The following TTF1 variants were observed in gnomAD, a reference collection of about 807,000 sequenced individuals.
TTF1 encodes the protein transcription termination factor 1.
In TTF1, 64 loss-of-function variants were observed where a neutral mutation model predicts 80.2. The ratio of observed to expected loss-of-function variants is 0.80; its 90% CI spans 0.65 to 0.98. TTF1 has a LOEUF of 0.98. Ranked by LOEUF, TTF1 falls within the 50% of genes least tolerant of loss-of-function variation. The probability of loss-of-function intolerance (pLI) is 0.00; values close to 1 mark genes in which losing one functional copy is unlikely to be tolerated. For missense variants in TTF1, 1,023 were observed against 1,086.2 expected (o/e 0.94, Z 0.82); for synonymous variants, 372 against 382.7 (o/e 0.97, Z 0.33).
intron 2 of TTF1, 94 bp from the exon 3 acceptor site, chr9:132,400,352 G>C: frequency 4.8e-6 from 5 of 1,032,022 alleles, no homozygotes; most frequent in Non-Finnish European, 5.8e-6. Flanking sequence ...TGAGACAGAG[G>C]CTTGCTCTGT....
chr9:132,378,470 G>C (rs991941349), intron 10 of TTF1, among the ~76,000 whole-genome samples: 3 of 148,334 alleles, frequency 2.0e-5, no homozygotes, highest in Admixed American at 6.7e-5. Flanking sequence ...TGGTGTGTGT[G>C]AGTGCATGTG....
intron 5 of TTF1, among the ~76,000 whole-genome samples, chr9:132,392,776 GTT>G (rs1849583631): frequency 6.6e-6 from 1 of 152,150 alleles, no homozygotes; most frequent in African/African-American, 2.4e-5. Context: ...ACTTTACCTA[GTT>G]TTAATCAAAG....
chr9:132,393,831 TA>T (rs1403550908), intron 5 of TTF1, among the ~76,000 whole-genome samples: 3 of 152,064 alleles, frequency 2.0e-5, no homozygotes, highest in Non-Finnish European at 4.4e-5. Context: ...TTTAAATAAA[TA>T]AAAAGCAATC....
In TTF1 at chr9:132,402,659, T is replaced by C. The variant is rs769947791; in HGVS notation, c.163A>G (p.Arg55Gly). Residue 55 changes from arginine (R) to glycine (G), a missense_variant, in exon 2 of 11, where the codon AGG becomes GGG. Physicochemically the swap from Arg to Gly is moderately radical, Grantham distance 125. Transcript: ENST00000334270. Reference sequence around the variant, plus strand: ...ATGAGATGCTGGAAATCTTTTTTCCTCTTTTTCCTCCTAGTTATTTGAGAC... The same window carrying C: ...ATGAGATGCTGGAAATCTTTTTTCCCCTTTTTCCTCCTAGTTATTTGAGAC... ...EQSQITRRKK[R>G]KKDFQHLISS... 3 of 1,613,244 alleles carry C rather than the reference T, an allele frequency of 1.9e-6. No homozygotes were observed. Among genetic ancestry groups the C allele is most frequent in the Admixed American group, 3.3e-5 (2 of 59,738 alleles).
At chr9:132,397,696 T>C (rs1256710583) in intron 4 of TTF1, among the ~76,000 whole-genome samples, 1 of 152,156 alleles carries the variant, frequency 6.6e-6, no homozygotes, top group African/African-American at 2.4e-5. Flanking sequence ...GCAATAAGAA[T>C]ACCATCAGGG....
chr9:132,396,131 C>T (rs763843962), intron 5 of TTF1, among the ~76,000 whole-genome samples: 5 of 152,040 alleles, frequency 3.3e-5, no homozygotes, highest in Admixed American at 6.5e-5. Flanking sequence ...GAGCTTATGA[C>T]GTAAGCAGAG....
intron 9 of TTF1, among the ~76,000 whole-genome samples, chr9:132,383,276 A>G (rs1036128077): frequency 1.3e-5 from 2 of 150,654 alleles, no homozygotes; most frequent in Admixed American, 1.3e-4. Context: ...AAGGACACTA[A>G]GGAAATGGAA....
In TTF1 at chr9:132,390,649, C is replaced by CA. The variant is rs761460725; in HGVS notation, c.2169_2170insT (p.Glu724Ter). The CA allele has an allele frequency of 1.9e-6, 3 of 1,614,240 alleles. No individual in the cohort carries two copies. Among genetic ancestry groups the CA allele is most frequent in the South Asian group, 1.1e-5 (1 of 91,080 alleles). On this transcript the variant is annotated frameshift_variant, in exon 7 of 11. Transcript: ENST00000334270. LOFTEE classifies it high-confidence loss of function. Reference sequence around the variant, plus strand: ...CTGGTTTGCACTTTAGCTTCTACTTCTACCCAAGATATGCCCTTGTAGAGT... The same window carrying CA: ...CTGGTTTGCACTTTAGCTTCTACTTCATACCCAAGATATGCCCTTGTAGAGT...
chr9:132,392,361 ACT>A (rs1849575250), intron 5 of TTF1, among the ~76,000 whole-genome samples, 155 bp from the exon 6 acceptor site: 1 of 152,170 alleles, frequency 6.6e-6, no homozygotes, highest in Non-Finnish European at 1.5e-5. Flanking sequence ...TTGGCGTCTC[ACT>A]GGTGGTCATC....
At chr9:132,378,398 TG>T (rs1849288610) in intron 10 of TTF1, among the ~76,000 whole-genome samples, 1 of 82,578 alleles carries the variant, frequency 1.2e-5, no homozygotes, top group African/African-American at 4.8e-5. Context: ...TGCATGCATG[TG>T]GTGTGAGTGC....
intron 2 of TTF1, among the ~76,000 whole-genome samples, 200 bp from the exon 3 acceptor site, chr9:132,400,458 G>T (rs2131648704): frequency 6.6e-6 from 1 of 152,298 alleles, no homozygotes; most frequent in Admixed American, 6.5e-5. Flanking sequence ...GAGTAGCTGG[G>T]ACTACAGGTA....
At chr9:132,397,131 G>A (rs1190597331) in intron 4 of TTF1, among the ~76,000 whole-genome samples, 3 of 152,130 alleles carry the variant, frequency 2.0e-5, no homozygotes, top group South Asian at 2.1e-4. Context: ...TTCAGCTTCC[G>A]GTCTATGCAA....
At chr9:132,398,950 C>G (rs532662267) in intron 3 of TTF1, among the ~76,000 whole-genome samples, 1 of 152,148 alleles carries the variant, frequency 6.6e-6, no homozygotes, top group Admixed American at 6.5e-5. Flanking sequence ...GTTATCCCAG[C>G]ACTTTGGGAG....
chr9:132,386,988 C>T (rs1040307439), intron 8 of TTF1, among the ~76,000 whole-genome samples: 1 of 152,152 alleles, frequency 6.6e-6, no homozygotes, highest in Non-Finnish European at 1.5e-5. Context: ...TACAGGGTCT[C>T]GCTCTGTCAC....
At chr9:132,378,202 CGT>C (rs1436052793) in intron 10 of TTF1, among the ~76,000 whole-genome samples, 5 of 43,508 alleles carry the variant, frequency 1.1e-4, no homozygotes, top group Non-Finnish European at 1.6e-4. Context: ...AGTGCATGTG[CGT>C]GTGAATGCAT....
chr9:132,386,460 G>T, intron 9 of TTF1, 96 bp downstream of exon 9: 1 of 1,040,914 alleles, frequency 9.6e-7, no homozygotes, highest in Non-Finnish European at 1.4e-6. Flanking sequence ...TCCAAATGCA[G>T]CATCATTATC....
In TTF1 at chr9:132,400,038, G is replaced by C. The variant is rs753099639; in HGVS notation, c.1588C>G (p.Gln530Glu). ...CACTAAGGCCCCACAAGCTCACCTT[G>C]TGCTTTAAATTCCTTAAACCGTTCC... ...DLERFKEFKA[Q>E]GVAIKFGKFS... is the part of the protein sequence containing the mutation. The change falls in exon 3 of 11, where the codon CAA (glutamine) becomes GAA (glutamate). Residue 530 changes from glutamine to glutamate, a missense_variant. Gln to Glu is a conservative substitution (Grantham distance 29). Transcript: ENST00000334270. The C allele has an allele frequency of 1.2e-6, 2 of 1,614,176 alleles. No homozygotes were observed. The highest frequency in any genetic ancestry group is 8.5e-7 in the Non-Finnish European group (1 of 1,180,032).
At chr9:132,398,055 G>A (rs573909670) in intron 4 of TTF1, 86 bp downstream of exon 4, 3 of 1,140,138 alleles carry the variant, frequency 2.6e-6, no homozygotes, top group Admixed American at 5.7e-5. Context: ...CAATGGGCCA[G>A]GTACCGTGCT....
At position 132,402,514 on chromosome 9, in the gene TTF1, G is replaced by GT; in HGVS notation, c.307dup (p.Thr103AsnfsTer7). On this transcript the variant is annotated frameshift_variant, in exon 2 of 11. Coordinates refer to ENST00000334270, the MANE Select transcript of TTF1 (RefSeq NM_007344.4). LOFTEE classifies it high-confidence loss of function. ...ATTTTCTTTATCCACAAGGACAACT[G>GT]TAACACCTGCTTCCTCGTCCACCTC... 6.2e-7 allele frequency: 1 copy of GT among 1,614,180 alleles called. No homozygotes were observed. Among genetic ancestry groups the GT allele is most frequent in the Non-Finnish European group, 8.5e-7 (1 of 1,180,042 alleles).
Sources: allele counts gnomAD v4.1 joint callset (sites outside exome capture counted in the v4.1 genomes callset), GRCh38; gene constraint gnomAD v4.1.1; transcripts MANE v1.5; gene names NCBI Gene and HGNC (gene_info 2026-07-23, HGNC 2026-07-21).